Variants in SRGAP1 observed in about 807,000 individuals in gnomAD.
The protein encoded by SRGAP1 is SLIT-ROBO Rho GTPase-activating protein 1.
In SRGAP1, 43 loss-of-function variants were observed where a neutral mutation model predicts 121.9. The observed-to-expected ratio is 0.35, with a 90% CI of 0.28 to 0.46. The LOEUF is 0.46. Ranked by LOEUF, SRGAP1 falls within the 20% of genes least tolerant of loss-of-function variation. The probability of loss-of-function intolerance (pLI) is 1.00; values close to 1 mark genes in which losing one functional copy is unlikely to be tolerated. For synonymous variants in SRGAP1, 447 were observed against 485.4 expected (o/e 0.92, Z 1.04); for missense variants, 1,102 against 1,350.9 (o/e 0.82, Z 2.89).
chr12:63,902,805 C>T (rs1039535063), intron 1 of SRGAP1, among the ~76,000 whole-genome samples: 1 of 152,060 alleles, frequency 6.6e-6, no homozygotes. Flanking sequence ...TGCTCATTTC[C>T]TAGGGTTATA....
At chr12:63,942,182 A>C (rs1035493038) in intron 1 of SRGAP1, among the ~76,000 whole-genome samples, 2 of 152,202 alleles carry the variant, frequency 1.3e-5, no homozygotes, top group East Asian at 1.9e-4. Context: ...CTCTATGGGC[A>C]TCATTGTAAT....
chr12:63,954,671 C>G (rs2032403209), intron 1 of SRGAP1, among the ~76,000 whole-genome samples: 1 of 43,732 alleles, frequency 2.3e-5, no homozygotes, highest in Non-Finnish European at 5.0e-5. Context: ...GAGCGAGACT[C>G]CATCTCAAAA....
chr12:63,913,168 T>C lies in SRGAP1; in HGVS notation c.67+68285T>C, dbSNP rs538031139. 3.4e-5 allele frequency among the ~76,000 whole-genome samples: 5 copies of C among 149,252 alleles called. No homozygotes were observed. The South Asian group carries it at 1.1e-3, about 32-fold the overall frequency. Reference sequence around the variant, plus strand: ...GAATGCTGTTCTTTATGCCTCTCAGTGCAACCAATTTTCTGGTAAATCCTT... The same window carrying C: ...GAATGCTGTTCTTTATGCCTCTCAGCGCAACCAATTTTCTGGTAAATCCTT... On this transcript the variant is annotated intron_variant, in intron 1 of 21. Coordinates refer to ENST00000355086, the MANE Select transcript of SRGAP1 (RefSeq NM_020762.4).
intron 1 of SRGAP1, among the ~76,000 whole-genome samples, chr12:63,848,093 C>T (rs758743044): frequency 2.0e-5 from 3 of 151,804 alleles, no homozygotes; most frequent in Non-Finnish European, 2.9e-5. Flanking sequence ...GCAACCTCCA[C>T]CTCCTGGGTT....
At chr12:63,925,946 A>T (rs1466436987) in intron 1 of SRGAP1, among the ~76,000 whole-genome samples, 3 of 152,200 alleles carry the variant, frequency 2.0e-5, no homozygotes, top group Admixed American at 6.5e-5. Flanking sequence ...CTAAGCCTAG[A>T]ATGAAAACCT....
intron 6 of SRGAP1, among the ~76,000 whole-genome samples, chr12:64,051,966 C>T (rs1344859359): frequency 6.6e-6 from 1 of 152,088 alleles, no homozygotes; most frequent in African/African-American, 2.4e-5. Context: ...GAACATGACT[C>T]CTTCATAAAC....
chr12:63,898,424 T>A (rs1194852991), intron 1 of SRGAP1, among the ~76,000 whole-genome samples: 1 of 152,262 alleles, frequency 6.6e-6, no homozygotes, highest in African/African-American at 2.4e-5. Context: ...CTTGGACATT[T>A]AATGTATTCC....
chr12:63,970,913 T>C (rs932139447), intron 1 of SRGAP1, among the ~76,000 whole-genome samples: 5 of 152,226 alleles, frequency 3.3e-5, no homozygotes, highest in Non-Finnish European at 5.9e-5. Context: ...TTTCCTGTAA[T>C]AAATGAACAA....
At chr12:64,076,505 A>G (rs1446377955) in intron 8 of SRGAP1, among the ~76,000 whole-genome samples, 1 of 152,228 alleles carries the variant, frequency 6.6e-6, no homozygotes. Flanking sequence ...GAGCTAAAAA[A>G]TAAATCATGA....
chr12:64,043,997 T>C (rs2035076059), intron 6 of SRGAP1, among the ~76,000 whole-genome samples: 1 of 152,166 alleles, frequency 6.6e-6, no homozygotes. Flanking sequence ...GGAGAAGACA[T>C]ACTTAAGAAA....
intron 18 of SRGAP1, among the ~76,000 whole-genome samples, chr12:64,120,963 T>A (rs1393068124): frequency 6.6e-6 from 1 of 151,992 alleles, no homozygotes; most frequent in South Asian, 2.1e-4. Flanking sequence ...GTAATTAAGG[T>A]ATCTAGTGTC....
intron 1 of SRGAP1, among the ~76,000 whole-genome samples, chr12:63,973,621 A>G (rs773430030): frequency 2.6e-5 from 4 of 152,174 alleles, no homozygotes; most frequent in Non-Finnish European, 5.9e-5. Flanking sequence ...AAAAGTCTAA[A>G]CTTTTCTAGT....
chr12:63,938,991 C>CA (rs1337230895), intron 1 of SRGAP1, among the ~76,000 whole-genome samples: 1 of 148,542 alleles, frequency 6.7e-6, no homozygotes, highest in African/African-American at 2.6e-5. Flanking sequence ...CCCATCTCTA[C>CA]AAAAAAATAC....
In SRGAP1 at chr12:63,890,557, T is replaced by C. The variant is rs148671585; in HGVS notation, c.67+45674T>C. On this transcript the variant is annotated intron_variant, in intron 1 of 21. Coordinates refer to ENST00000355086, the MANE Select transcript of SRGAP1 (RefSeq NM_020762.4). ...TTACAGGAATTTGTAGTGTGAGCCA[T>C]GTAAGGTGAGTTGTGGGGTGTGGGC... Among the ~76,000 whole-genome samples, 13 of 152,282 alleles carry C rather than the reference T, an allele frequency of 8.5e-5. No homozygotes were observed. In the East Asian group the frequency reaches 2.3e-3, roughly 27 times the overall value.
At chr12:63,936,503 A>C (rs148835302) in intron 1 of SRGAP1, among the ~76,000 whole-genome samples, 2 of 152,130 alleles carry the variant, frequency 1.3e-5, no homozygotes, top group African/African-American at 4.8e-5. Context: ...GTAGACACTA[A>C]GAGAGATGAC....
At chr12:63,932,409 C>CA (rs1435766516) in intron 1 of SRGAP1, among the ~76,000 whole-genome samples, 6 of 151,928 alleles carry the variant, frequency 3.9e-5, no homozygotes, top group Non-Finnish European at 8.8e-5. Flanking sequence ...TTTAGATTTG[C>CA]AAAAAAGGCC....
chr12:64,118,614 C>A lies in SRGAP1; in HGVS notation c.2224+2721C>A, dbSNP rs1322374301. On this transcript the variant is annotated intron_variant, in intron 18 of 21. Coordinates refer to ENST00000355086, the MANE Select transcript of SRGAP1 (RefSeq NM_020762.4). ...TTTGTTTCCTAACACAGTGGGATAA[C>A]CTCATATGTGGTTTTGATTTGCATT... is the stretch of plus-strand genomic sequence containing the variant. Among the ~76,000 whole-genome samples the A allele has an allele frequency of 2.6e-5, 4 of 152,068 alleles. No homozygotes were observed. The East Asian group carries it at 7.7e-4, about 29-fold the overall frequency.
intron 18 of SRGAP1, among the ~76,000 whole-genome samples, chr12:64,116,697 GT>G (rs1407703102): frequency 2.0e-5 from 3 of 152,174 alleles, no homozygotes; most frequent in African/African-American, 7.2e-5. Context: ...GCTATGCACT[GT>G]TAGGACATTT....
chr12:63,917,619 C>CT (rs5798717), intron 1 of SRGAP1, among the ~76,000 whole-genome samples: 89,253 of 151,916 alleles, frequency 0.59, 26,986 homozygotes, highest in South Asian at 0.73. Context: ...AAAGAGCTTG[C>CT]TTTCTGTTTT....
Sources: allele counts gnomAD v4.1 joint callset (sites outside exome capture counted in the v4.1 genomes callset), GRCh38; gene constraint gnomAD v4.1.1; transcripts MANE v1.5; gene names NCBI Gene and HGNC (gene_info 2026-07-23, HGNC 2026-07-21).